DNAJC15: variants seen among roughly 807,000 people sequenced by gnomAD.
DNAJC15 encodes the protein DnaJ heat shock protein family (Hsp40) member C15.
A neutral mutation model predicts 22.4 loss-of-function variants in DNAJC15; 27 were observed. The observed-to-expected ratio is 1.20, with a 90% CI of 0.89 to 1.66. The LOEUF (loss-of-function observed/expected upper bound fraction) is 1.66, where lower values mean the gene tolerates loss of function less well. Ranked by LOEUF, DNAJC15 falls within the 40% of genes most tolerant of loss-of-function variation. The pLI is 0.00. For synonymous variants in DNAJC15, 79 were observed against 63.2 expected, an observed-to-expected ratio of 1.25 and a Z score of -1.19; for missense variants, 208 against 187.1, an observed-to-expected ratio of 1.11 and a Z score of -0.65.
chr13:43,041,967 G>T (rs1469196384), intron 1 of DNAJC15, among the ~76,000 whole-genome samples: 1 of 152,176 alleles, frequency 6.6e-6, no homozygotes, highest in Non-Finnish European at 1.5e-5. Context: ...GTCAGGTGGT[G>T]ATATTTAAAT....
intron 5 of DNAJC15, among the ~76,000 whole-genome samples, chr13:43,103,946 A>T (rs1197393794): frequency 6.6e-6 from 1 of 152,186 alleles, no homozygotes; most frequent in East Asian, 1.9e-4. Context: ...TTAGTATAAC[A>T]ATGTCAGCGT....
intron 1 of DNAJC15, among the ~76,000 whole-genome samples, chr13:43,040,629 A>G (rs2040449030): frequency 6.6e-6 from 1 of 152,132 alleles, no homozygotes; most frequent in African/African-American, 2.4e-5. Context: ...ACACAGAGAC[A>G]AAGTATAGAG....
intron 5 of DNAJC15, among the ~76,000 whole-genome samples, chr13:43,100,490 A>C (rs755909051): frequency 5.3e-5 from 8 of 151,962 alleles, no homozygotes; most frequent in Non-Finnish European, 1.2e-4. Flanking sequence ...TGGGATTACA[A>C]GTGTGACCCA....
At chr13:43,102,322 G>A (rs562564487) in intron 5 of DNAJC15, among the ~76,000 whole-genome samples, 1 of 152,086 alleles carries the variant, frequency 6.6e-6, no homozygotes, top group South Asian at 2.1e-4. Context: ...TGTAGATTCT[G>A]TATATTAGCC....
At chr13:43,045,814 CTTT>C (rs1225875147) in intron 1 of DNAJC15, among the ~76,000 whole-genome samples, 1 of 152,162 alleles carries the variant, frequency 6.6e-6, no homozygotes, top group Non-Finnish European at 1.5e-5. Context: ...ATACCTACTT[CTTT>C]ATCTGCTTAA....
chr13:43,035,684 GTAAC>G (rs1331734139), intron 1 of DNAJC15, among the ~76,000 whole-genome samples: 1 of 152,072 alleles, frequency 6.6e-6, no homozygotes, highest in Non-Finnish European at 1.5e-5. Context: ...TGATTTGTAA[GTAAC>G]TTTTTTCAAA....
intron 1 of DNAJC15, among the ~76,000 whole-genome samples, chr13:43,034,250 A>G (rs113262993): frequency 0.047 from 7,030 of 149,972 alleles, 567 homozygotes; most frequent in African/African-American, 0.16. Flanking sequence ...TCCACTCCTT[A>G]AATGTAGAGT....
chr13:43,035,007 C>G (rs1360677605), intron 1 of DNAJC15, among the ~76,000 whole-genome samples: 1 of 152,158 alleles, frequency 6.6e-6, no homozygotes, highest in Non-Finnish European at 1.5e-5. Flanking sequence ...TTTTTATCCT[C>G]CCACCCAAAT....
chr13:43,090,261 A>G (rs991829200), intron 5 of DNAJC15, among the ~76,000 whole-genome samples: 1 of 152,246 alleles, frequency 6.6e-6, no homozygotes. Flanking sequence ...TTGCATGGGC[A>G]TGGTATGATG....
chr13:43,105,235 G>A (rs2040790747), intron 5 of DNAJC15, among the ~76,000 whole-genome samples: 1 of 152,080 alleles, frequency 6.6e-6, no homozygotes, highest in South Asian at 2.1e-4. Flanking sequence ...GAGAAGCACA[G>A]TTGCTGCCAC....
chr13:43,071,678 G>A (rs1410810879), intron 3 of DNAJC15, among the ~76,000 whole-genome samples: 1 of 152,046 alleles, frequency 6.6e-6, no homozygotes, highest in Non-Finnish European at 1.5e-5. Context: ...ACCAAATAGG[G>A]TTACTAAAAA....
intron 3 of DNAJC15, among the ~76,000 whole-genome samples, chr13:43,069,865 T>C (rs2040600667): frequency 6.6e-6 from 1 of 152,176 alleles, no homozygotes; most frequent in South Asian, 2.1e-4. Context: ...TCAAAGTTGA[T>C]ATAATACTAC....
intron 1 of DNAJC15, among the ~76,000 whole-genome samples, chr13:43,033,406 G>A (rs1441800882): frequency 6.6e-6 from 1 of 151,714 alleles, no homozygotes; most frequent in Non-Finnish European, 1.5e-5. Flanking sequence ...GACAGAGTGA[G>A]ACCCTACTGG....
chr13:43,090,069 C>T (rs1350528972), intron 5 of DNAJC15, among the ~76,000 whole-genome samples: 1 of 152,162 alleles, frequency 6.6e-6, no homozygotes, highest in African/African-American at 2.4e-5. Flanking sequence ...AAAAGAAAAA[C>T]TTCAGACAAA....
At chr13:43,045,517 G>C (rs2153440010) in intron 1 of DNAJC15, among the ~76,000 whole-genome samples, 1 of 152,236 alleles carries the variant, frequency 6.6e-6, no homozygotes, top group Admixed American at 6.5e-5. Context: ...TATGTGACGG[G>C]GTTTCATGCA....
chr13:43,029,724 C>T (rs1170822053), intron 1 of DNAJC15, among the ~76,000 whole-genome samples: 1 of 151,950 alleles, frequency 6.6e-6, no homozygotes, highest in African/African-American at 2.4e-5. Context: ...TGACATGGCC[C>T]ATTTGTTGAT....
intron 5 of DNAJC15, among the ~76,000 whole-genome samples, chr13:43,106,452 T>C (rs2040797229): frequency 6.6e-6 from 1 of 152,186 alleles, no homozygotes; most frequent in African/African-American, 2.4e-5. Flanking sequence ...TTCCTCTTGC[T>C]GTTTGCATTA....
At chr13:43,025,984 T>A (rs1051373754) in intron 1 of DNAJC15, among the ~76,000 whole-genome samples, 8 of 152,244 alleles carry the variant, frequency 5.3e-5, no homozygotes, top group African/African-American at 1.9e-4. Context: ...GAAAACATAA[T>A]GAAGTAATTA....
intron 1 of DNAJC15, among the ~76,000 whole-genome samples, chr13:43,038,368 C>A (rs1451335591): frequency 5.9e-5 from 9 of 152,162 alleles, no homozygotes; most frequent in African/African-American, 2.2e-4. Flanking sequence ...GATTAACAGG[C>A]TGCGTACTGG....
Sources: allele counts gnomAD v4.1 joint callset (sites outside exome capture counted in the v4.1 genomes callset), GRCh38; gene constraint gnomAD v4.1.1; transcripts MANE v1.5; gene names NCBI Gene and HGNC (gene_info 2026-07-23, HGNC 2026-07-21).